The following ACTL8 variants were observed in gnomAD, a reference collection of about 807,000 sequenced individuals.
ACTL8 encodes actin like 8.
A neutral mutation model predicts 9.3 loss-of-function variants in ACTL8; 3 were observed. That is an observed-to-expected ratio of 0.32 (90% confidence interval 0.15 to 0.83). ACTL8 has a LOEUF of 0.83. Ranked by LOEUF, ACTL8 falls within the 40% of genes least tolerant of loss-of-function variation. ACTL8 has a pLI of 0.57. For missense variants in ACTL8, 381 were observed against 492.2 expected (o/e 0.77, Z 2.14); for synonymous variants, 224 against 205.9 (o/e 1.09, Z -0.75).
chr1:17,790,832 C>A (rs1478311859), intron 1 of ACTL8, among the ~76,000 whole-genome samples: 1 of 152,260 alleles, frequency 6.6e-6, no homozygotes, highest in African/African-American at 2.4e-5. Flanking sequence ...CCCTCCTGTG[C>A]TCATCAGCAT....
At chr1:17,793,888 C>T (rs907364045) in intron 1 of ACTL8, among the ~76,000 whole-genome samples, 2 of 152,162 alleles carry the variant, frequency 1.3e-5, no homozygotes, top group Non-Finnish European at 2.9e-5. Flanking sequence ...ATTCTGTTGG[C>T]TTGCGGTCAG....
At position 17,826,613 on chromosome 1, in the gene ACTL8, G is replaced by T. The variant is rs2053725579; in HGVS notation, c.*94G>T. 4 of 1,277,746 alleles carry T rather than the reference G, an allele frequency of 3.1e-6. No homozygotes were observed. The highest frequency in any genetic ancestry group is 3.1e-6 in the Non-Finnish European group (3 of 957,296). The allele number at this position is 1,277,746 out of a possible 1,614,324, so 79.2% of individuals were successfully genotyped here. A position where few individuals can be genotyped will look rare whatever the true frequency, so the allele number is the denominator to read the frequency against. On this transcript the variant is annotated 3_prime_UTR_variant, in exon 3 of 3. Transcript: ENST00000375406. The surrounding 1 kb of genome is among the most constrained non-coding windows in gnomAD (Gnocchi z 4.5). ...GTTCTGGGTGGGGGTAGAATGAGGT[G>T]GGGTGGGGTGAGCTGGCTTTGGAAT...
At chr1:17,776,263 T>C (rs2066117395) in intron 1 of ACTL8, among the ~76,000 whole-genome samples, 1 of 152,158 alleles carries the variant, frequency 6.6e-6, no homozygotes. Flanking sequence ...CAGGCTTTGG[T>C]GACAGCTGTC....
intron 1 of ACTL8, among the ~76,000 whole-genome samples, chr1:17,810,099 A>G (rs1256408271): frequency 6.6e-6 from 1 of 152,172 alleles, no homozygotes; most frequent in Non-Finnish European, 1.5e-5. Context: ...TGGGGCCCCA[A>G]TTCTCTGCAC....
At chr1:17,812,812 CT>C (rs1165301898) in intron 1 of ACTL8, among the ~76,000 whole-genome samples, 1 of 151,980 alleles carries the variant, frequency 6.6e-6, no homozygotes, top group African/African-American at 2.4e-5. Context: ...TTTAGGTTTT[CT>C]TTGATTTATT....
At chr1:17,792,695 G>A (rs572847241) in intron 1 of ACTL8, among the ~76,000 whole-genome samples, 3 of 152,320 alleles carry the variant, frequency 2.0e-5, no homozygotes, top group South Asian at 2.1e-4. Flanking sequence ...CTTGGAGATC[G>A]TGAGGCTCTT....
chr1:17,766,501 T>C (rs1040396208), intron 1 of ACTL8, among the ~76,000 whole-genome samples: 2 of 152,198 alleles, frequency 1.3e-5, no homozygotes, highest in African/African-American at 4.8e-5. Context: ...TACCACTATC[T>C]AAAGTTGGTT....
chr1:17,783,616 C>G (rs2066173547), intron 1 of ACTL8, among the ~76,000 whole-genome samples: 1 of 152,206 alleles, frequency 6.6e-6, no homozygotes, highest in African/African-American at 2.4e-5. Context: ...TTGTGTGTCC[C>G]TGAGGTGAGT....
At chr1:17,766,864 T>C (rs2066048196) in intron 1 of ACTL8, among the ~76,000 whole-genome samples, 1 of 152,200 alleles carries the variant, frequency 6.6e-6, no homozygotes, top group Non-Finnish European at 1.5e-5. Context: ...TCCTAAGCTA[T>C]GGTTGAATGA....
chr1:17,773,339 A>T (rs944471807), intron 1 of ACTL8, among the ~76,000 whole-genome samples: 9 of 152,166 alleles, frequency 5.9e-5, no homozygotes, highest in Admixed American at 1.3e-4. Context: ...TTGCTCTGTG[A>T]GCTTAGCCAA....
intron 1 of ACTL8, among the ~76,000 whole-genome samples, chr1:17,815,869 A>G (rs1344704039): frequency 2.0e-5 from 3 of 152,094 alleles, no homozygotes; most frequent in Non-Finnish European, 4.4e-5. Flanking sequence ...TCTGTGTTTT[A>G]GATTGAATAA....
intron 1 of ACTL8, among the ~76,000 whole-genome samples, chr1:17,816,627 G>A (rs2066427903): frequency 6.6e-6 from 1 of 152,196 alleles, no homozygotes; most frequent in Non-Finnish European, 1.5e-5. Context: ...CACCCCTGTT[G>A]CACGCAGCCT....
chr1:17,814,071 T>G (rs985529618), intron 1 of ACTL8, among the ~76,000 whole-genome samples: 1 of 152,224 alleles, frequency 6.6e-6, no homozygotes, highest in Non-Finnish European at 1.5e-5. Flanking sequence ...CACTATTTGT[T>G]TTCCATTTTC....
At chr1:17,801,361 TAACA>T (rs1345616535) in intron 1 of ACTL8, among the ~76,000 whole-genome samples, 23 of 152,296 alleles carry the variant, frequency 1.5e-4, no homozygotes, top group Non-Finnish European at 1.5e-5. Context: ...TAAAACAAGA[TAACA>T]AACTGTTAAA....
intron 1 of ACTL8, among the ~76,000 whole-genome samples, chr1:17,763,905 A>T (rs1334344495): frequency 6.6e-6 from 1 of 152,186 alleles, no homozygotes; most frequent in Non-Finnish European, 1.5e-5. Flanking sequence ...TTACCGGCTG[A>T]TGACTCAGCA....
chr1:17,777,015 G>A (rs1315714787), intron 1 of ACTL8, among the ~76,000 whole-genome samples: 1 of 124,184 alleles, frequency 8.1e-6, no homozygotes, highest in African/African-American at 3.1e-5. Flanking sequence ...TAGAGATGGG[G>A]GTCTTGCCAT....
intron 1 of ACTL8, among the ~76,000 whole-genome samples, chr1:17,769,967 G>A (rs1224072346): frequency 6.6e-6 from 1 of 152,170 alleles, no homozygotes; most frequent in Non-Finnish European, 1.5e-5. Flanking sequence ...TGGATTATTT[G>A]GGTCTCCTCC....
intron 1 of ACTL8, among the ~76,000 whole-genome samples, chr1:17,805,511 A>T (rs887016214): frequency 6.7e-6 from 1 of 149,456 alleles, no homozygotes; most frequent in Non-Finnish European, 1.5e-5. Context: ...CCTCCCAAGT[A>T]GCTGGCCTAC....
intron 1 of ACTL8, among the ~76,000 whole-genome samples, chr1:17,809,854 G>A (rs1032903915): frequency 6.6e-6 from 1 of 152,120 alleles, no homozygotes; most frequent in African/African-American, 2.4e-5. Context: ...TACAAGAAAT[G>A]TAATGCACTT....
Sources: allele counts gnomAD v4.1 joint callset (sites outside exome capture counted in the v4.1 genomes callset), GRCh38; gene constraint gnomAD v4.1.1; non-coding constraint Gnocchi (gnomAD v3.1); transcripts MANE v1.5; gene names NCBI Gene and HGNC (gene_info 2026-07-23, HGNC 2026-07-21).